The following ACACB variants were observed in gnomAD, a reference collection of about 807,000 sequenced individuals.
ACACB encodes the protein acetyl-CoA carboxylase 2.
Under a neutral mutation model 278.8 loss-of-function variants are expected in ACACB, and 209 were observed. That is an observed-to-expected ratio of 0.75 (90% CI 0.67 to 0.84). The LOEUF (loss-of-function observed/expected upper bound fraction) is 0.84, where lower values mean the gene tolerates loss of function less well. Ranked by LOEUF, ACACB falls within the 40% of genes least tolerant of loss-of-function variation. The pLI is 0.00. For synonymous variants in ACACB, 1,174 were observed against 1,285.6 expected, an observed-to-expected ratio of 0.91 and a Z score of 1.86; for missense variants, 2,850 against 3,269.0, an observed-to-expected ratio of 0.87 and a Z score of 3.13.
In ACACB at chr12:109,248,108, T is replaced by A. The variant is rs114093672; in HGVS notation, c.5669+405T>A. ...TATCTTTTCCAGGACAAGTTATGTTTTTCTCAGTGGGATTAACTGACTCAG... is the reference window on the plus strand; with the variant it reads ...TATCTTTTCCAGGACAAGTTATGTTATTCTCAGTGGGATTAACTGACTCAG... On this transcript the variant is annotated intron_variant, in intron 40 of 52. Transcript: ENST00000338432. 2.6e-3 allele frequency among the ~76,000 whole-genome samples: 394 copies of A among 152,296 alleles called. 1 individual carries two copies. The highest frequency in any genetic ancestry group is 9.2e-3 in the African/African-American group (384 of 41,552).
intron 50 of ACACB, 102 bp downstream of exon 50, chr12:109,264,488 G>A (rs2047462599): frequency 1.4e-6 from 2 of 1,468,850 alleles, no homozygotes; most frequent in African/African-American, 1.4e-5. Flanking sequence ...TGGTGGTTGG[G>A]ATGGGTCAAA....
chr12:109,218,443 C>T (rs567417198), intron 24 of ACACB, among the ~76,000 whole-genome samples: 4 of 152,240 alleles, frequency 2.6e-5, no homozygotes, highest in South Asian at 2.1e-4. Flanking sequence ...AGTCTTGTCT[C>T]GAACTCCCGC....
chr12:109,239,938 C>T lies in ACACB; in HGVS notation c.4771C>T (p.His1591Tyr), dbSNP rs568586081. 6.2e-7 allele frequency: 1 copy of T among 1,614,044 alleles called. No individual in the cohort carries two copies. Among genetic ancestry groups the T allele is most frequent in the Non-Finnish European group, 8.5e-7 (1 of 1,180,030 alleles). ...CACCAGCGTGCGCACCGACTGCAAC[C>T]ACATCTTCCTCAACTTCGTGCCCAC... ...NNTSVRTDCN[H>Y]IFLNFVPTVI... Residue 1591 changes from histidine (H) to tyrosine (Y), a missense_variant, in exon 35 of 53, where the codon CAC becomes TAC. Physicochemically the swap from His to Tyr is moderately conservative, Grantham distance 83. Around this residue, in one of 3 missense-constraint regions of ACACB, gnomAD observed 2,265 missense variants for 2,561.3 expected, o/e 0.88. Coordinates refer to ENST00000338432, the MANE Select transcript of ACACB (RefSeq NM_001093.4).
At chr12:109,250,613 A>C (rs1472417957) in intron 41 of ACACB, among the ~76,000 whole-genome samples, 1 of 151,968 alleles carries the variant, frequency 6.6e-6, no homozygotes, top group Non-Finnish European at 1.5e-5. Context: ...CTTTCCAAAA[A>C]TGTTTTCTGT....
chr12:109,256,999 C>T (rs1025312784), intron 45 of ACACB, among the ~76,000 whole-genome samples: 3 of 152,194 alleles, frequency 2.0e-5, no homozygotes, highest in African/African-American at 4.8e-5. Context: ...CAGGGCCGGG[C>T]GTGGCAGCTC....
chr12:109,240,279 A>G (rs1277483069), intron 35 of ACACB, among the ~76,000 whole-genome samples: 3 of 152,168 alleles, frequency 2.0e-5, no homozygotes, highest in Non-Finnish European at 4.4e-5. Flanking sequence ...TGGGGACTGC[A>G]TGTGGGTGGG....
chr12:109,143,427 C>G (rs2043166745), intron 2 of ACACB, among the ~76,000 whole-genome samples: 1 of 141,442 alleles, frequency 7.1e-6, no homozygotes, highest in Admixed American at 7.4e-5. Flanking sequence ...TGCCCCACTG[C>G]ATCCCAGCCT....
chr12:109,167,443 T>C (rs1465440049), intron 3 of ACACB, among the ~76,000 whole-genome samples: 2 of 150,232 alleles, frequency 1.3e-5, no homozygotes, highest in African/African-American at 2.4e-5. Context: ...GCAAAAAAAT[T>C]AAAAAATTAG....
upstream of ACACB, among the ~76,000 whole-genome samples, chr12:109,115,669 G>C (rs1024577922): frequency 6.6e-5 from 10 of 152,180 alleles, no homozygotes; most frequent in Admixed American, 5.2e-4. Context: ...ATGCTTCCAA[G>C]TCCAGTGGAG....
chr12:109,166,865 A>C lies in ACACB; in HGVS notation c.658A>C (p.Ser220Arg), dbSNP rs2043923623. 1 of 1,613,680 alleles carries C rather than the reference A, an allele frequency of 6.2e-7. No individual in the cohort carries two copies. Among genetic ancestry groups the C allele is most frequent in the Admixed American group, 1.7e-5 (1 of 59,932 alleles). ...TCCCTCATTCTTATTCTGCAGGCCGAGCATGTCGGGACTCCACCTGGTGAA... is the reference window on the plus strand; with the variant it reads ...TCCCTCATTCTTATTCTGCAGGCCGCGCATGTCGGGACTCCACCTGGTGAA... ...AETRVPTMRP[S>R]MSGLHLVKRG... is the part of the protein sequence containing the mutation. Residue 220 changes from serine to arginine, a missense_variant, in exon 3 of 53, where the codon AGC (serine) becomes CGC (arginine). Ser to Arg is a moderately radical substitution (Grantham distance 110, BLOSUM62 -1). Coordinates refer to ENST00000338432, the MANE Select transcript of ACACB (RefSeq NM_001093.4).
chr12:109,196,500 C>G (rs2045133889), intron 16 of ACACB, among the ~76,000 whole-genome samples: 1 of 152,156 alleles, frequency 6.6e-6, no homozygotes, highest in Non-Finnish European at 1.5e-5. Flanking sequence ...TACAGGGGAT[C>G]TTTTATAAGG....
chr12:109,133,761 A>G (rs2042889718), intron 1 of ACACB, among the ~76,000 whole-genome samples: 1 of 149,646 alleles, frequency 6.7e-6, no homozygotes, highest in Non-Finnish European at 1.5e-5. Flanking sequence ...TCCTGAATGC[A>G]GTTTCAGAAA....
At chr12:109,235,804 C>G (rs2046616939) in intron 33 of ACACB, 157 bp downstream of exon 33, 1 of 641,240 alleles carries the variant, frequency 1.6e-6, no homozygotes, top group Non-Finnish European at 2.7e-6. Context: ...TCTAGACCAG[C>G]CTGGGTTATA....
intron 34 of ACACB, among the ~76,000 whole-genome samples, chr12:109,238,567 A>G (rs1011986328): frequency 1.4e-5 from 2 of 145,812 alleles, no homozygotes; most frequent in Non-Finnish European, 3.0e-5. Context: ...ATTATTATAT[A>G]TATATATTTT....
intron 42 of ACACB, among the ~76,000 whole-genome samples, chr12:109,252,787 C>G (rs1343488226): frequency 6.6e-6 from 1 of 152,192 alleles, no homozygotes; most frequent in Non-Finnish European, 1.5e-5. Flanking sequence ...TCAAATTGGC[C>G]TGCATATTGG....
At chr12:109,135,808 CT>C (rs59597788) in intron 1 of ACACB, among the ~76,000 whole-genome samples, 53,593 of 116,708 alleles carry the variant, frequency 0.46, 11,883 homozygotes, top group Middle Eastern at 0.65. Flanking sequence ...AGAGGTAATA[CT>C]TTTTTTTTTT....
chr12:109,152,472 T>C (rs1374819746), intron 2 of ACACB, among the ~76,000 whole-genome samples: 1 of 152,090 alleles, frequency 6.6e-6, no homozygotes, highest in Admixed American at 6.6e-5. Flanking sequence ...ATCTGTTTTT[T>C]TTCTTAAACC....
chr12:109,232,686 G>T lies in ACACB; in HGVS notation c.4019G>T (p.Ser1340Ile), dbSNP rs2046508166. 3 of 1,613,848 alleles carry T rather than the reference G, an allele frequency of 1.9e-6. No homozygotes were observed. The highest frequency in any genetic ancestry group is 1.3e-5 in the African/African-American group (1 of 74,918). ...SHPNRMTVPISITNPDLLRHS... is the reference protein window; with the variant it reads ...SHPNRMTVPIIITNPDLLRHS... ...CCTTACAGGATGACCGTGCCCATCAGCATCACCAACCCTGACCTGCTGAGG... is the reference window on the plus strand; with the variant it reads ...CCTTACAGGATGACCGTGCCCATCATCATCACCAACCCTGACCTGCTGAGG... Residue 1340 changes from serine to isoleucine, a missense_variant, in exon 29 of 53, where the codon AGC becomes ATC. By Grantham distance (142) the Ser-to-Ile change is moderately radical. Around this residue, in one of 3 missense-constraint regions of ACACB, gnomAD observed 2,265 missense variants for 2,561.3 expected, o/e 0.88. Transcript: ENST00000338432.
rs202162559 is a variant in ACACB, at chr12:109,185,633, G to C, written c.1873G>C (p.Glu625Gln). ...RLKDIRLLYG[E>Q]SPWGVTPISF... The stretch of plus-strand genomic sequence containing the variant: ...GAAGGATATCCGGCTTCTGTATGGA[G>C]AGTCACCATGGGGAGTGACTCCCAT... The change falls in exon 12 of 53, where the codon GAG becomes CAG. Residue 625 changes from glutamate to glutamine, a missense_variant. Transcript: ENST00000338432. 1.2e-6 allele frequency: 2 copies of C among 1,614,016 alleles called. No homozygotes were observed. The highest frequency in any genetic ancestry group is 1.7e-6 in the Non-Finnish European group (2 of 1,179,980).
Sources: gnomAD v4.1 joint callset for allele counts (sites outside exome capture counted in the v4.1 genomes callset) on GRCh38, gnomAD v4.1.1 for gene constraint, gnomAD v4.1.1 regional missense constraint, MANE v1.5 for transcripts, NCBI Gene and HGNC (gene_info 2026-07-23, HGNC 2026-07-21) for gene names.